The following KAT2B variants were observed in gnomAD, a reference collection of about 807,000 sequenced individuals.
KAT2B encodes the protein histone acetyltransferase KAT2B.
In KAT2B, 36 loss-of-function variants were observed where a neutral mutation model predicts 105.9. The observed-to-expected ratio is 0.34, with a 90% CI of 0.26 to 0.45. KAT2B has a LOEUF of 0.45. Among genes scored for constraint, KAT2B ranks in the 20% least tolerant of loss-of-function variants. The pLI is 1.00. For missense variants in KAT2B, 820 were observed against 1,021.6 expected (o/e 0.80, Z 2.69); for synonymous variants, 397 against 377.9 (o/e 1.05, Z -0.59).
At chr3:20,146,698 G>A (rs1353727942) in intron 14 of KAT2B, 10 of 241,808 alleles carry the variant, frequency 4.1e-5, no homozygotes, top group Admixed American at 5.0e-5. Context: ...AGCACAGTGC[G>A]AATTATTACA....
intron 2 of KAT2B, among the ~76,000 whole-genome samples, chr3:20,085,193 T>A (rs1487522141): frequency 6.6e-6 from 1 of 152,096 alleles, no homozygotes; most frequent in African/African-American, 2.4e-5. Context: ...CTATGTCTAT[T>A]AATTTAAAAA....
chr3:20,121,730 ATATGTGTGTGTGTGTGTG>A (rs1249920703), intron 8 of KAT2B, among the ~76,000 whole-genome samples: 80 of 92,576 alleles, frequency 8.6e-4, no homozygotes, highest in African/African-American at 2.7e-3. Flanking sequence ...ACACATATGC[ATATGTGTGTGTGTGTGTG>A]TGTGTGTGTG....
At chr3:20,120,251 A>T (rs897875168) in intron 8 of KAT2B, among the ~76,000 whole-genome samples, 1 of 151,762 alleles carries the variant, frequency 6.6e-6, no homozygotes, top group African/African-American at 2.4e-5. Flanking sequence ...TATTTGAGAC[A>T]GAGTCTCACA....
intron 1 of KAT2B, among the ~76,000 whole-genome samples, chr3:20,066,515 C>T (rs1343350668): frequency 6.6e-6 from 1 of 152,118 alleles, no homozygotes; most frequent in Non-Finnish European, 1.5e-5. Flanking sequence ...TCTCCTGCCT[C>T]AGCTTCCCGA....
Position 20,141,348 on chromosome 3 carries a change from A to G in KAT2B, c.2004+984A>G, listed in dbSNP as rs568136798. Among the ~76,000 whole-genome samples the G allele has an allele frequency of 8.1e-5, 11 of 135,012 alleles. No individual in the cohort carries two copies. The East Asian group carries it at 3.3e-3, about 40-fold the overall frequency. The allele number at this position is 135,012 out of a possible 152,430, so 88.6% of individuals were successfully genotyped here. A position where few individuals can be genotyped will look rare whatever the true frequency, so the allele number is the denominator to read the frequency against. On this transcript the variant is annotated intron_variant, in intron 13 of 17. Transcript: ENST00000263754. ...AGGTTGACAGAGTTGAATACATAAT[A>G]ATTTCAAATTTTCTAAGGCAGAAAA...
rs149724448 is a variant in KAT2B at position 20,048,910 on chromosome 3, C to G, written c.303+8130C>G. 1.1e-3 allele frequency among the ~76,000 whole-genome samples: 169 copies of G among 151,952 alleles called. 1 individual carries two copies. Among genetic ancestry groups the G allele is most frequent in the African/African-American group, 3.9e-3 (162 of 41,442 alleles). ...TTTTTGAGACGGAGTCTTGCTCTGT[C>G]GCCAGGCTGGAGTGCAGTGGCGTGC... On this transcript the variant is annotated intron_variant, in intron 1 of 17. Coordinates refer to ENST00000263754, the MANE Select transcript of KAT2B (RefSeq NM_003884.5).
intron 11 of KAT2B, among the ~76,000 whole-genome samples, chr3:20,134,206 C>A (rs2125186518): frequency 6.6e-6 from 1 of 152,152 alleles, no homozygotes; most frequent in East Asian, 1.9e-4. Context: ...CCCACTTTTC[C>A]TATATCTTTT....
chr3:20,057,313 G>A (rs1038592645), intron 1 of KAT2B, among the ~76,000 whole-genome samples: 3 of 152,156 alleles, frequency 2.0e-5, no homozygotes, highest in African/African-American at 7.2e-5. Flanking sequence ...TAGAAATGAG[G>A]GCTGGAAGTT....
At chr3:20,139,096 G>A (rs1442460043) in intron 12 of KAT2B, among the ~76,000 whole-genome samples, 6 of 151,744 alleles carry the variant, frequency 4.0e-5, no homozygotes, top group East Asian at 1.9e-4. Context: ...ATGGTGAGGG[G>A]TTGGGAGAGA....
intron 5 of KAT2B, among the ~76,000 whole-genome samples, chr3:20,101,689 C>T (rs1314788281): frequency 6.6e-6 from 1 of 152,096 alleles, no homozygotes; most frequent in Non-Finnish European, 1.5e-5. Context: ...GTGTGATAGC[C>T]ACTAGCTATA....
chr3:20,144,602 CTTTTTT>C (rs200001128), intron 13 of KAT2B, among the ~76,000 whole-genome samples: 13 of 143,062 alleles, frequency 9.1e-5, no homozygotes, highest in African/African-American at 3.1e-4. Flanking sequence ...TTTCTTTTTT[CTTTTTT>C]TTTTTTAAGA....
At position 20,153,849 on chromosome 3, in the gene KAT2B, C is replaced by A. The variant is rs570448797; in HGVS notation, c.*1324C>A. 1 of 152,560 alleles carries A rather than the reference C, an allele frequency of 6.6e-6. No individual in the cohort carries two copies. The highest frequency in any genetic ancestry group is 2.4e-5 in the African/African-American group (1 of 41,538). 9.5% of individuals were successfully genotyped at this position (152,560 alleles called of 1,614,324 possible). A position where few individuals can be genotyped will look rare whatever the true frequency, so the allele number is the denominator to read the frequency against. On this transcript the variant is annotated 3_prime_UTR_variant, in exon 18 of 18. Transcript: ENST00000263754. ...TATTTAACTTGATGTTTTCTATCAGCATAAATAAAATGGTCATGAATAGTC... is the reference window on the plus strand; with the variant it reads ...TATTTAACTTGATGTTTTCTATCAGAATAAATAAAATGGTCATGAATAGTC...
chr3:20,044,554 G>A (rs1348190848), intron 1 of KAT2B, among the ~76,000 whole-genome samples: 3 of 151,998 alleles, frequency 2.0e-5, no homozygotes, highest in Non-Finnish European at 2.9e-5. Flanking sequence ...GCTCCTTATC[G>A]AGGGTTCAGG....
rs371548043 is a variant in KAT2B, at chr3:20,040,695, C to A, written c.218C>A (p.Ala73Asp). Residue 73 changes from alanine to aspartate, a missense_variant, in exon 1 of 18, where the codon GCC becomes GAC. Physicochemically the swap from Ala to Asp is moderately radical, Grantham distance 126. This residue lies in a region of KAT2B where 190 missense variants were observed against 176.7 expected (regional missense o/e 1.08). Coordinates refer to ENST00000263754, the MANE Select transcript of KAT2B (RefSeq NM_003884.5). ...TAEGPGGGGSARIAVKKAQLR... is the reference protein window; with the variant it reads ...TAEGPGGGGSDRIAVKKAQLR... ...GAAGGACCGGGAGGCGGTGGCTCGGCCCGAATCGCCGTGAAGAAAGCGCAA... is the reference window on the plus strand; with the variant it reads ...GAAGGACCGGGAGGCGGTGGCTCGGACCGAATCGCCGTGAAGAAAGCGCAA... The A allele has an allele frequency of 6.3e-7, 1 of 1,578,240 alleles. No homozygotes were observed. Among genetic ancestry groups the A allele is most frequent in the East Asian group, 2.5e-5 (1 of 40,236 alleles).
At chr3:20,103,487 G>A (rs933036501) in intron 5 of KAT2B, among the ~76,000 whole-genome samples, 2 of 152,062 alleles carry the variant, frequency 1.3e-5, no homozygotes, top group African/African-American at 4.8e-5. Flanking sequence ...ATAGCTCACT[G>A]TAGCCTCAAC....
At chr3:20,087,141 G>A (rs1227032865) in intron 2 of KAT2B, among the ~76,000 whole-genome samples, 2 of 152,150 alleles carry the variant, frequency 1.3e-5, no homozygotes, top group African/African-American at 4.8e-5. Flanking sequence ...AGTGTTCTAT[G>A]CCACTGTAAG....
At chr3:20,054,047 C>A (rs1424200255) in intron 1 of KAT2B, among the ~76,000 whole-genome samples, 2 of 152,224 alleles carry the variant, frequency 1.3e-5, no homozygotes, top group African/African-American at 4.8e-5. Flanking sequence ...ATCCATCCTC[C>A]TCGGCCTCCC....
rs1698141940 is a variant in KAT2B at position 20,062,259 on chromosome 3, G to GATATATA, written c.304-10058_304-10052dup. Among the ~76,000 whole-genome samples, 18 of 74,436 alleles carry GATATATA rather than the reference G, an allele frequency of 2.4e-4. 1 individual carries two copies. Among genetic ancestry groups the GATATATA allele is most frequent in the South Asian group, 7.0e-4 (2 of 2,860 alleles). 48.8% of individuals were successfully genotyped at this position (74,436 alleles called of 152,430 possible). A position where few individuals can be genotyped will look rare whatever the true frequency, so the allele number is the denominator to read the frequency against. ...ATAAAATATATAATATATAAAATAT[G>GATATATA]ATATATAATATATAATATATAAAAT... On this transcript the variant is annotated intron_variant, in intron 1 of 17. Transcript: ENST00000263754.
intron 2 of KAT2B, among the ~76,000 whole-genome samples, chr3:20,085,634 C>T (rs1698600074): frequency 6.6e-6 from 1 of 151,980 alleles, no homozygotes; most frequent in South Asian, 2.1e-4. Flanking sequence ...CCTCAGCCTC[C>T]CGAGTCGCTG....
Sources: gnomAD v4.1 joint callset for allele counts (sites outside exome capture counted in the v4.1 genomes callset) on GRCh38, gnomAD v4.1.1 for gene constraint, gnomAD v4.1.1 regional missense constraint, MANE v1.5 for transcripts, NCBI Gene and HGNC (gene_info 2026-07-23, HGNC 2026-07-21) for gene names.